Variants in SNX10 observed in about 807,000 individuals in gnomAD.
SNX10 encodes the protein sorting nexin 10.
Under a neutral mutation model 28.5 loss-of-function variants are expected in SNX10, and 25 were observed. The observed-to-expected ratio is 0.88, with a 90% CI of 0.64 to 1.22. SNX10 has a LOEUF of 1.22. Ranked by LOEUF, SNX10 falls within the 50% of genes most tolerant of loss-of-function variation. The pLI is 0.00. For missense variants in SNX10, 223 were observed against 242.6 expected, an observed-to-expected ratio of 0.92 and a Z score of 0.54; for synonymous variants, 62 against 81.4, an observed-to-expected ratio of 0.76 and a Z score of 1.28.
intron 5 of SNX10, among the ~76,000 whole-genome samples, chr7:26,368,620 A>G (rs1789385761): frequency 6.6e-6 from 1 of 152,146 alleles, no homozygotes; most frequent in South Asian, 2.1e-4. Flanking sequence ...CTTTAGTATC[A>G]TGGTTTTGTA....
At chr7:26,292,745 C>A (rs1483677731) in intron 1 of SNX10, among the ~76,000 whole-genome samples, 1 of 152,156 alleles carries the variant, frequency 6.6e-6, no homozygotes, top group African/African-American at 2.4e-5. Context: ...CTACAAGACA[C>A]GTTAAAAATG....
rs542823149 is a variant in SNX10, at chr7:26,316,041, G to A, written c.-24+23955G>A. On this transcript the variant is annotated intron_variant, in intron 1 of 6. Coordinates refer to ENST00000338523, the MANE Select transcript of SNX10 (RefSeq NM_013322.3). ...ACTAAACAAAATACAAAAACTAGCC[G>A]GGCGTGGTGGCAGGCGCCTGTAGTC... is the stretch of plus-strand genomic sequence containing the variant. Among the ~76,000 whole-genome samples the A allele has an allele frequency of 2.8e-3, 427 of 151,916 alleles. 1 individual carries two copies. Among genetic ancestry groups the A allele is most frequent in the Non-Finnish European group, 4.4e-3 (300 of 67,962 alleles).
chr7:26,312,652 C>G (rs922393288), intron 1 of SNX10, among the ~76,000 whole-genome samples: 1 of 152,096 alleles, frequency 6.6e-6, no homozygotes, highest in South Asian at 2.1e-4. Flanking sequence ...GGCGTGTTGG[C>G]GCTTGCCTGT....
intron 1 of SNX10, 52 bp from the exon 2 acceptor site, chr7:26,346,368 C>A: frequency 9.0e-7 from 1 of 1,110,324 alleles, no homozygotes; most frequent in Non-Finnish European, 1.4e-6. Context: ...GTGGTGTATC[C>A]ACTCCAGTTT....
At chr7:26,347,963 A>G (rs1584150414) in intron 2 of SNX10, among the ~76,000 whole-genome samples, 3 of 152,318 alleles carry the variant, frequency 2.0e-5, no homozygotes, top group Admixed American at 6.5e-5. Context: ...TTGTTTTAGT[A>G]GAGACAGGGT....
At chr7:26,313,026 A>G (rs928044674) in intron 1 of SNX10, among the ~76,000 whole-genome samples, 3 of 152,208 alleles carry the variant, frequency 2.0e-5, no homozygotes, top group Non-Finnish European at 2.9e-5. Flanking sequence ...TGATCCAGCA[A>G]TTCCACTTAC....
At chr7:26,312,848 A>C (rs751747820) in intron 1 of SNX10, among the ~76,000 whole-genome samples, 1 of 152,238 alleles carries the variant, frequency 6.6e-6, no homozygotes, top group African/African-American at 2.4e-5. Context: ...TAATTGAAAA[A>C]AAATACTAAT....
chr7:26,298,523 C>T (rs1447571397), intron 1 of SNX10, among the ~76,000 whole-genome samples: 1 of 152,116 alleles, frequency 6.6e-6, no homozygotes, highest in Non-Finnish European at 1.5e-5. Flanking sequence ...TGGAAAGGCA[C>T]GTTAGCAGTA....
At chr7:26,299,259 G>A (rs866402176) in intron 1 of SNX10, among the ~76,000 whole-genome samples, 6 of 152,086 alleles carry the variant, frequency 3.9e-5, no homozygotes, top group Admixed American at 1.3e-4. Flanking sequence ...GCGGTGGTGC[G>A]ATCTCGGCTC....
chr7:26,302,205 C>T (rs552859556), intron 1 of SNX10, among the ~76,000 whole-genome samples: 2 of 152,106 alleles, frequency 1.3e-5, no homozygotes, highest in Non-Finnish European at 2.9e-5. Context: ...TTTTATGCTT[C>T]CTTGATTCTG....
rs1030889634 is a variant in SNX10, at chr7:26,291,945, G to T, written c.-165G>T. The T allele has an allele frequency of 8.0e-5, 12 of 149,132 alleles. No individual in the cohort carries two copies. The highest frequency in any genetic ancestry group is 1.8e-4 in the Non-Finnish European group (12 of 66,800). The allele number at this position is 149,132 out of a possible 1,614,324, so 9.2% of individuals were successfully genotyped here. On this transcript the variant is annotated 5_prime_UTR_variant, in exon 1 of 7. Coordinates refer to ENST00000338523, the MANE Select transcript of SNX10 (RefSeq NM_013322.3). ...CGTGCGCGGGGAGCGCGGGGAGCGC[G>T]GGGAGCGCGGGGCTGCGCTCGTGTG... is the stretch of plus-strand genomic sequence containing the variant.
intron 2 of SNX10, among the ~76,000 whole-genome samples, chr7:26,355,015 A>G (rs1258355143): frequency 6.6e-6 from 1 of 152,022 alleles, no homozygotes; most frequent in Non-Finnish European, 1.5e-5. Flanking sequence ...TTTTTGTATA[A>G]GGTGCACGCT....
At chr7:26,351,975 G>A (rs73068467) in intron 2 of SNX10, among the ~76,000 whole-genome samples, 16,698 of 151,936 alleles carry the variant, frequency 0.11, 1,065 homozygotes, top group South Asian at 0.18. Context: ...AATGAAGTAT[G>A]GACTTCAGTT....
chr7:26,309,306 G>A (rs1414465424), intron 1 of SNX10, among the ~76,000 whole-genome samples: 3 of 149,956 alleles, frequency 2.0e-5, no homozygotes, highest in African/African-American at 2.5e-5. Flanking sequence ...GAAGTGGCCT[G>A]TTTCATATCT....
intron 5 of SNX10, among the ~76,000 whole-genome samples, chr7:26,366,743 G>A (rs1251138429): frequency 6.6e-6 from 1 of 152,196 alleles, no homozygotes; most frequent in Non-Finnish European, 1.5e-5. Flanking sequence ...AAGGCAGCAC[G>A]TACCTCTGAA....
At chr7:26,319,144 C>T (rs896830435) in intron 1 of SNX10, among the ~76,000 whole-genome samples, 1 of 152,134 alleles carries the variant, frequency 6.6e-6, no homozygotes, top group African/African-American at 2.4e-5. Flanking sequence ...GGCTTGTGAA[C>T]AATGTCATGT....
In SNX10 at chr7:26,364,619, A is replaced by C; in HGVS notation, c.196A>C (p.Ser66Arg). Residue 66 changes from serine (S) to arginine (R), a missense_variant, in exon 4 of 7, where the codon AGT becomes CGT. Physicochemically the swap from Ser to Arg is moderately radical, Grantham distance 110. Coordinates refer to ENST00000338523, the MANE Select transcript of SNX10 (RefSeq NM_013322.3). The surrounding 1 kb of genome is among the most constrained non-coding windows in gnomAD (Gnocchi z 4.9). ...EFVWLRQRLQ[S>R]NALLVQLPEL... is the part of the protein sequence containing the mutation. ...CGTGTGGCTGAGGCAGAGACTCCAA[A>C]GTAATGCGTTGCTGGTGTAAGTGAT... 1 of 1,612,738 alleles carries C rather than the reference A, an allele frequency of 6.2e-7. No individual in the cohort carries two copies. Among genetic ancestry groups the C allele is most frequent in the South Asian group, 1.1e-5 (1 of 91,058 alleles).
chr7:26,336,477 G>A (rs898872942), intron 1 of SNX10, among the ~76,000 whole-genome samples: 2 of 152,170 alleles, frequency 1.3e-5, no homozygotes, highest in Non-Finnish European at 2.9e-5. Flanking sequence ...GCTGAAGTGA[G>A]TGGATGACTT....
chr7:26,293,141 G>A (rs1427033131), intron 1 of SNX10: 2 of 152,244 alleles, frequency 1.3e-5, no homozygotes, highest in Non-Finnish European at 2.9e-5. Flanking sequence ...ATCACTTCCA[G>A]TGATGCCTAT....
Sources: allele counts gnomAD v4.1 joint callset (sites outside exome capture counted in the v4.1 genomes callset), GRCh38; gene constraint gnomAD v4.1.1; non-coding constraint Gnocchi (gnomAD v3.1); transcripts MANE v1.5; gene names NCBI Gene and HGNC (gene_info 2026-07-23, HGNC 2026-07-21).